Variants in ESYT2 observed in about 807,000 individuals in gnomAD.
The protein encoded by ESYT2 is extended synaptotagmin 2, also known as extended synaptotagmin-2.
In ESYT2, 54 loss-of-function variants were observed where a neutral mutation model predicts 107.2. That is an observed-to-expected ratio of 0.50 (90% CI 0.40 to 0.63). The LOEUF is 0.63. Ranked by LOEUF, ESYT2 falls within the 30% of genes least tolerant of loss-of-function variation. The pLI, the probability that ESYT2 is intolerant of heterozygous loss-of-function variation, is 0.00. For synonymous variants in ESYT2, 491 were observed against 434.1 expected (o/e 1.13, Z -1.63); for missense variants, 1,020 against 1,094.5 (o/e 0.93, Z 0.96).
chr7:158,731,825 C>T lies in ESYT2; in HGVS notation c.*2382G>A, dbSNP rs1465249520. The T allele has an allele frequency of 3.3e-5, 5 of 152,624 alleles. No homozygotes were observed. Among genetic ancestry groups the T allele is most frequent in the African/African-American group, 9.7e-5 (4 of 41,442 alleles). The allele number at this position is 152,624 out of a possible 1,614,324, so 9.5% of individuals were successfully genotyped here. On this transcript the variant is annotated 3_prime_UTR_variant, in exon 23 of 23. Transcript: ENST00000275418. ...ACTGAAAATTAACGTTTTGACAACTCAAGAGTGTCTGACATCGCTGGGATC... is the reference window on the plus strand; with the variant it reads ...ACTGAAAATTAACGTTTTGACAACTTAAGAGTGTCTGACATCGCTGGGATC...
Position 158,748,260 on chromosome 7 carries a change from T to C in ESYT2, c.1578A>G (p.Glu526=), listed in dbSNP as rs1837471518. ...QESKIRYKTN[E]PVWEENFTFF... is the part of the protein sequence containing the mutation. ...AAGTGAAGTTTTCCTCCCACACAGG[T>C]TCATTGGTTTTGTATCGAATCTAGA... The change falls in exon 16 of 23, where the codon GAA becomes GAG. Residue 526 remains glutamate, a synonymous_variant. Coordinates refer to ENST00000275418, the MANE Select transcript of ESYT2 (RefSeq NM_001367773.1). 1 of 1,613,986 alleles carries C rather than the reference T, an allele frequency of 6.2e-7. No individual in the cohort carries two copies. The highest frequency in any genetic ancestry group is 8.5e-7 in the Non-Finnish European group (1 of 1,179,964).
At chr7:158,755,846 A>C (rs1011696997) in intron 13 of ESYT2, among the ~76,000 whole-genome samples, 6 of 152,026 alleles carry the variant, frequency 3.9e-5, no homozygotes, top group African/African-American at 1.4e-4. Context: ...GGCGGGGAAC[A>C]TCACATACTA....
intron 1 of ESYT2, among the ~76,000 whole-genome samples, chr7:158,801,285 C>T (rs1254682969): frequency 2.0e-5 from 3 of 152,194 alleles, no homozygotes; most frequent in Non-Finnish European, 4.4e-5. Flanking sequence ...AGAATTTACA[C>T]AAAGTGGCTT....
chr7:158,735,929 G>C (rs973847417), intron 20 of ESYT2, among the ~76,000 whole-genome samples: 1 of 152,194 alleles, frequency 6.6e-6, no homozygotes, highest in African/African-American at 2.4e-5. Flanking sequence ...GTGGGATAAT[G>C]TTGACAAAAC....
At chr7:158,800,724 CTTTTCTTTTCTTTT>C (rs1839614595) in intron 1 of ESYT2, among the ~76,000 whole-genome samples, 1 of 141,424 alleles carries the variant, frequency 7.1e-6, no homozygotes, top group Non-Finnish European at 1.5e-5. Context: ...TTTCTTTTTT[CTTTTCTTTTCTTTT>C]TTTTTTTTGA....
At chr7:158,741,316 G>A (rs1472242320) in intron 18 of ESYT2, among the ~76,000 whole-genome samples, 2 of 152,170 alleles carry the variant, frequency 1.3e-5, no homozygotes, top group African/African-American at 4.8e-5. Context: ...CTAAATCCTA[G>A]AAAATGGCAG....
At chr7:158,781,124 C>T (rs1401985616) in intron 6 of ESYT2, among the ~76,000 whole-genome samples, 1 of 152,018 alleles carries the variant, frequency 6.6e-6, no homozygotes. Flanking sequence ...TACGAGAGAA[C>T]GAGAACAAGT....
chr7:158,812,392 G>T (rs1180942423), intron 1 of ESYT2, among the ~76,000 whole-genome samples: 1 of 152,220 alleles, frequency 6.6e-6, no homozygotes, highest in Non-Finnish European at 1.5e-5. Context: ...GGAGATGTAA[G>T]TCAGAGCCAC....
chr7:158,826,119 AC>A (rs1840433089), intron 1 of ESYT2, among the ~76,000 whole-genome samples: 1 of 151,596 alleles, frequency 6.6e-6, no homozygotes, highest in Non-Finnish European at 1.5e-5. Context: ...TGCTTTGACC[AC>A]CCCCACCACC....
intron 1 of ESYT2, chr7:158,827,412 G>A (rs904824866): frequency 1.2e-4 from 19 of 152,056 alleles, no homozygotes; most frequent in African/African-American, 4.4e-4. Flanking sequence ...TCACTTTAAA[G>A]TCCTTTTCCA....
At chr7:158,743,294 G>C (rs111380790) in intron 17 of ESYT2, among the ~76,000 whole-genome samples, 8 of 152,064 alleles carry the variant, frequency 5.3e-5, no homozygotes, top group Non-Finnish European at 1.0e-4. Context: ...GGGCCTGCTC[G>C]GGCAACCTGG....
chr7:158,765,183 G>A (rs577759423), intron 8 of ESYT2, among the ~76,000 whole-genome samples: 4 of 152,158 alleles, frequency 2.6e-5, no homozygotes, highest in Non-Finnish European at 4.4e-5. Flanking sequence ...CTGGCAGAGG[G>A]ACGCCGAATG....
At chr7:158,821,522 C>A (rs979382934) in intron 1 of ESYT2, among the ~76,000 whole-genome samples, 1 of 152,236 alleles carries the variant, frequency 6.6e-6, no homozygotes, top group Non-Finnish European at 1.5e-5. Flanking sequence ...TCACCCCCAT[C>A]ATGTCCAAAC....
intron 21 of ESYT2, among the ~76,000 whole-genome samples, chr7:158,734,859 C>A (rs1163441030): frequency 6.6e-6 from 1 of 152,230 alleles, no homozygotes; most frequent in African/African-American, 2.4e-5. Flanking sequence ...TCTCATCTCT[C>A]TAATCTTCTG....
chr7:158,736,990 C>G (rs1187504190), intron 20 of ESYT2, 58 bp downstream of exon 20: 4 of 1,600,882 alleles, frequency 2.5e-6, no homozygotes, highest in Non-Finnish European at 3.4e-6. Context: ...CATTTAGGGC[C>G]TTCTTAATCC....
intron 12 of ESYT2, 62 bp downstream of exon 12, chr7:158,759,996 C>G (rs902050980): frequency 4.1e-6 from 6 of 1,467,734 alleles, no homozygotes; most frequent in Non-Finnish European, 5.7e-6. Flanking sequence ...ACTGAGAGAC[C>G]AAGCTCAGTT....
intron 19 of ESYT2, among the ~76,000 whole-genome samples, chr7:158,738,379 T>A (rs887729101): frequency 7.2e-6 from 1 of 138,880 alleles, no homozygotes; most frequent in African/African-American, 2.7e-5. Flanking sequence ...ACACACACAC[T>A]CTTCCTGCTC....
intron 6 of ESYT2, among the ~76,000 whole-genome samples, chr7:158,779,156 G>C (rs549954657): frequency 6.6e-6 from 1 of 152,212 alleles, no homozygotes; most frequent in African/African-American, 2.4e-5. Flanking sequence ...ATGGCTTCTT[G>C]CCTATCAAAA....
intron 10 of ESYT2, 29 bp downstream of exon 10, chr7:158,763,054 C>T: frequency 6.4e-7 from 1 of 1,566,038 alleles, no homozygotes; most frequent in Non-Finnish European, 8.8e-7. Flanking sequence ...CCATGCCCTC[C>T]TCCAATAACC....
Sources: gnomAD v4.1 joint callset for allele counts (sites outside exome capture counted in the v4.1 genomes callset) on GRCh38, gnomAD v4.1.1 for gene constraint, MANE v1.5 for transcripts, NCBI Gene and HGNC (gene_info 2026-07-23, HGNC 2026-07-21) for gene names.